PTPRT: variants seen among roughly 807,000 people sequenced by gnomAD.
PTPRT encodes protein tyrosine phosphatase receptor type T.
A neutral mutation model predicts 176.8 loss-of-function variants in PTPRT; 56 were observed. The ratio of observed to expected loss-of-function variants is 0.32; its 90% confidence interval spans 0.26 to 0.40. The LOEUF is 0.40. PTPRT is among the 10% of genes least tolerant of loss of function. PTPRT has a pLI of 1.00. For missense variants in PTPRT, 1,540 were observed against 1,908.2 expected (o/e 0.81, Z 3.60); for synonymous variants, 783 against 739.0 (o/e 1.06, Z -0.96).
chr20:42,968,310 C>A (rs766465327), intron 1 of PTPRT, among the ~76,000 whole-genome samples: 16 of 152,146 alleles, frequency 1.1e-4, no homozygotes, highest in Non-Finnish European at 1.9e-4. Flanking sequence ...TCTCCATTAG[C>A]CTATGATCTC....
chr20:42,079,734 T>C lies in PTPRT; in HGVS notation c.*1145A>G. 1 of 229,420 alleles carries C rather than the reference T, an allele frequency of 4.4e-6. No homozygotes were observed. The highest frequency in any genetic ancestry group is 8.7e-6 in the Non-Finnish European group (1 of 115,592). 14.2% of individuals were successfully genotyped at this position (229,420 alleles called of 1,614,324 possible). On this transcript the variant is annotated 3_prime_UTR_variant, in exon 31 of 31. Transcript: ENST00000373187. ...GGTTTCTTTAGGAAGGAGTTCAAATTTGGACATCCAAATTATGCACAAAGC... is the reference window on the plus strand; with the variant it reads ...GGTTTCTTTAGGAAGGAGTTCAAATCTGGACATCCAAATTATGCACAAAGC...
chr20:42,066,247 G>C, the PTPRT span, among the ~76,000 whole-genome samples: 130 of 151,960 alleles, frequency 8.6e-4, 3 homozygotes, highest in South Asian at 0.015. Context: ...TCACCATGTT[G>C]ACCAGGCTGG....
intron 6 of PTPRT, among the ~76,000 whole-genome samples, chr20:42,682,917 A>T (rs2075627654): frequency 6.6e-6 from 1 of 152,214 alleles, no homozygotes; most frequent in Non-Finnish European, 1.5e-5. Flanking sequence ...AAAGTGTTTC[A>T]AATAGCTGGA....
At chr20:42,211,207 A>C (rs2055617631) in intron 15 of PTPRT, among the ~76,000 whole-genome samples, 2 of 152,166 alleles carry the variant, frequency 1.3e-5, no homozygotes. Context: ...AAGGAAACCT[A>C]GGCATTACCA....
At chr20:43,132,044 C>A (rs746631087) in intron 1 of PTPRT, among the ~76,000 whole-genome samples, 2 of 151,718 alleles carry the variant, frequency 1.3e-5, no homozygotes, top group Non-Finnish European at 2.9e-5. Context: ...AACCATGCCA[C>A]AAAATAATCA....
In PTPRT at chr20:42,079,672, A is replaced by C; in HGVS notation, c.*1207T>G. The C allele has an allele frequency of 4.4e-6, 1 of 228,090 alleles. No individual in the cohort carries two copies. The highest frequency in any genetic ancestry group is 8.7e-6 in the Non-Finnish European group (1 of 114,784). 14.1% of individuals were successfully genotyped at this position (228,090 alleles called of 1,614,324 possible). ...TTGGCCTATTTTAAATCAAAGTATA[A>C]TGGGCTCCACAATGGCCTTTTTCAA... On this transcript the variant is annotated 3_prime_UTR_variant, in exon 31 of 31. Coordinates refer to ENST00000373187, the MANE Select transcript of PTPRT (RefSeq NM_007050.6).
At chr20:42,710,210 C>A (rs906485575) in intron 6 of PTPRT, among the ~76,000 whole-genome samples, 2 of 152,166 alleles carry the variant, frequency 1.3e-5, no homozygotes, top group African/African-American at 2.4e-5. Flanking sequence ...ATAGAGAAAC[C>A]ATTTGCTAGA....
intron 1 of PTPRT, among the ~76,000 whole-genome samples, chr20:43,087,976 G>GT (rs1233596285): frequency 1.3e-5 from 2 of 152,144 alleles, no homozygotes; most frequent in African/African-American, 4.8e-5. Context: ...CCATACCACT[G>GT]TAAGATGGCT....
chr20:42,623,459 T>C (rs2074235974), intron 7 of PTPRT, among the ~76,000 whole-genome samples: 2 of 152,196 alleles, frequency 1.3e-5, no homozygotes, highest in Admixed American at 1.3e-4. Context: ...AACTCTCCTG[T>C]TTCAGCACCT....
intron 7 of PTPRT, among the ~76,000 whole-genome samples, chr20:42,640,968 G>A (rs1023213693): frequency 7.2e-5 from 11 of 152,044 alleles, no homozygotes; most frequent in African/African-American, 2.7e-4. Context: ...TATTTATTTA[G>A]CATTATATCA....
intron 12 of PTPRT, among the ~76,000 whole-genome samples, chr20:42,289,780 A>G (rs560491761): frequency 1.2e-4 from 19 of 152,230 alleles, no homozygotes; most frequent in African/African-American, 4.3e-4. Context: ...TCGTGCAGGA[A>G]AATGAGCCAT....
At chr20:43,094,759 T>C (rs28707376) in intron 1 of PTPRT, among the ~76,000 whole-genome samples, 17,241 of 152,126 alleles carry the variant, frequency 0.11, 1,503 homozygotes, top group African/African-American at 0.24. Flanking sequence ...ACGGGAGCTC[T>C]ATAGGGCCTC....
intron 12 of PTPRT, among the ~76,000 whole-genome samples, chr20:42,314,587 C>A (rs191078480): frequency 2.0e-5 from 3 of 150,248 alleles, no homozygotes; most frequent in Non-Finnish European, 3.0e-5. Flanking sequence ...AATATGACCA[C>A]CTTGATGGAA....
Position 42,307,337 on chromosome 20 carries a change from C to T in PTPRT, c.2139+8386G>A, listed in dbSNP as rs1568759020. 2.0e-5 allele frequency among the ~76,000 whole-genome samples: 3 copies of T among 152,256 alleles called. No homozygotes were observed. The East Asian group carries it at 5.8e-4, about 29-fold the overall frequency. ...ACATTCTGTTGGCCTGAGTCTCTGC[C>T]TGCAACAAGCAGAGACCCTCTGCTG... On this transcript the variant is annotated intron_variant, in intron 12 of 30. Coordinates refer to ENST00000373187, the MANE Select transcript of PTPRT (RefSeq NM_007050.6).
At chr20:42,608,013 C>T (rs999837764) in intron 7 of PTPRT, among the ~76,000 whole-genome samples, 1 of 152,202 alleles carries the variant, frequency 6.6e-6, no homozygotes, top group Non-Finnish European at 1.5e-5. Context: ...ACCCAATCAT[C>T]TATGCCCTGG....
intron 1 of PTPRT, among the ~76,000 whole-genome samples, chr20:43,106,666 G>GAAAAAAAAAAAAAAAAAA (rs71193676): frequency 1.1e-5 from 1 of 87,002 alleles, no homozygotes; most frequent in Non-Finnish European, 2.0e-5. Context: ...CTCAAAAAAA[G>GAAAAAAAAAAAAAAAAAA]AAAAAAAAAA....
chr20:42,427,645 C>T (rs1006928034), intron 9 of PTPRT, among the ~76,000 whole-genome samples: 1 of 152,144 alleles, frequency 6.6e-6, no homozygotes, highest in Non-Finnish European at 1.5e-5. Flanking sequence ...CCAAAGGTCT[C>T]ACCTCTTAAT....
chr20:42,038,091 C>G, the PTPRT span, among the ~76,000 whole-genome samples: 3 of 152,150 alleles, frequency 2.0e-5, no homozygotes, highest in Non-Finnish European at 2.9e-5. Context: ...CAACTAAGCC[C>G]ACCTTTTTAC....
intron 6 of PTPRT, among the ~76,000 whole-genome samples, chr20:42,751,764 G>A (rs1032410863): frequency 6.6e-6 from 1 of 152,076 alleles, no homozygotes; most frequent in Non-Finnish European, 1.5e-5. Context: ...TGGTTTCCCA[G>A]GGGCTCTCGG....
Sources: gnomAD v4.1 joint callset for allele counts (sites outside exome capture counted in the v4.1 genomes callset) on GRCh38, gnomAD v4.1.1 for gene constraint, MANE v1.5 for transcripts, NCBI Gene and HGNC (gene_info 2026-07-23, HGNC 2026-07-21) for gene names.